The following PRKCE variants were observed in gnomAD, a reference collection of about 807,000 sequenced individuals.
The protein encoded by PRKCE is protein kinase C epsilon type.
Under a neutral mutation model 85.4 loss-of-function variants are expected in PRKCE, and 16 were observed. The ratio of observed to expected loss-of-function variants is 0.19; its 90% CI spans 0.13 to 0.28. PRKCE has a LOEUF of 0.28. Among genes scored for constraint, PRKCE ranks in the 10% least tolerant of loss-of-function variants. The pLI is 1.00. For synonymous variants in PRKCE, 388 were observed against 371.5 expected (o/e 1.04, Z -0.51); for missense variants, 573 against 975.2 (o/e 0.59, Z 5.49).
chr2:45,761,063 C>G (rs774167012), intron 1 of PRKCE, among the ~76,000 whole-genome samples: 8 of 152,230 alleles, frequency 5.3e-5, no homozygotes, highest in African/African-American at 1.9e-4. Flanking sequence ...CATGGTGGCT[C>G]ACGCCTGTAA....
intron 1 of PRKCE, among the ~76,000 whole-genome samples, chr2:45,818,111 A>G (rs1689232610): frequency 6.6e-6 from 1 of 152,236 alleles, no homozygotes; most frequent in South Asian, 2.1e-4. Flanking sequence ...GGGGAATTTC[A>G]TAATCATTTT....
intron 11 of PRKCE, among the ~76,000 whole-genome samples, chr2:46,109,128 G>A (rs189228457): frequency 2.4e-3 from 368 of 152,226 alleles, no homozygotes; most frequent in African/African-American, 8.4e-3. Flanking sequence ...ATTGGTTAAT[G>A]TGAGTCCCCC....
chr2:46,150,362 AG>A (rs1055558966), intron 12 of PRKCE, among the ~76,000 whole-genome samples: 3 of 152,178 alleles, frequency 2.0e-5, no homozygotes, highest in African/African-American at 7.2e-5. Context: ...CCCCAAAGGA[AG>A]GGGGCCTACG....
At position 45,895,651 on chromosome 2, in the gene PRKCE, G is replaced by A. The variant is rs1696079828; in HGVS notation, c.412+52588G>A. Among the ~76,000 whole-genome samples the A allele has an allele frequency of 6.6e-6, 1 of 152,236 alleles. No homozygotes were observed. The highest frequency in any genetic ancestry group is 2.4e-5 in the African/African-American group (1 of 41,458). The stretch of plus-strand genomic sequence containing the variant: ...AGTCACTCTAATGGCATGCAGGGTA[G>A]ATGATGTCAGCTTTTCCATCTCAGC... On this transcript the variant is annotated intron_variant, in intron 2 of 14. Coordinates refer to ENST00000306156, the MANE Select transcript of PRKCE (RefSeq NM_005400.3). The surrounding 1 kb of genome is among the most constrained non-coding windows in gnomAD (Gnocchi z 4.8).
At chr2:46,118,947 C>T (rs1301613859) in intron 11 of PRKCE, among the ~76,000 whole-genome samples, 1 of 152,178 alleles carries the variant, frequency 6.6e-6, no homozygotes, top group Non-Finnish European at 1.5e-5. Flanking sequence ...AAAGTTCCAT[C>T]TTAGGATGCT....
At chr2:45,751,576 G>C (rs1043492096) in intron 1 of PRKCE, among the ~76,000 whole-genome samples, 1 of 152,054 alleles carries the variant, frequency 6.6e-6, no homozygotes, top group African/African-American at 2.4e-5. Flanking sequence ...GTCTCTGAAG[G>C]AGGGCCTGTG....
chr2:45,850,707 G>T (rs931503983), intron 2 of PRKCE, among the ~76,000 whole-genome samples: 3 of 152,160 alleles, frequency 2.0e-5, no homozygotes, highest in Non-Finnish European at 4.4e-5. Context: ...TCGAGCTGTT[G>T]ACACTGGGGC....
intron 1 of PRKCE, among the ~76,000 whole-genome samples, chr2:45,730,780 C>T (rs1681506211): frequency 6.6e-6 from 1 of 152,120 alleles, no homozygotes; most frequent in Non-Finnish European, 1.5e-5. Flanking sequence ...TTTTAATTTT[C>T]AAGAGCTACC....
At chr2:46,015,147 G>A (rs545245722) in intron 10 of PRKCE, among the ~76,000 whole-genome samples, 1 of 152,196 alleles carries the variant, frequency 6.6e-6, no homozygotes, top group South Asian at 2.1e-4. Flanking sequence ...GTGACTTTTG[G>A]AATTGCCTCT....
chr2:46,158,745 A>G (rs903822490), intron 13 of PRKCE, among the ~76,000 whole-genome samples: 3 of 152,232 alleles, frequency 2.0e-5, no homozygotes, highest in Non-Finnish European at 4.4e-5. Flanking sequence ...TGCACATACA[A>G]TACATACATG....
intron 11 of PRKCE, among the ~76,000 whole-genome samples, chr2:46,119,794 C>T (rs997219770): frequency 6.6e-6 from 1 of 152,224 alleles, no homozygotes; most frequent in Non-Finnish European, 1.5e-5. Context: ...ACACTCCACC[C>T]AGTGTGTTAG....
At chr2:46,013,436 C>T (rs924822847) in intron 10 of PRKCE, among the ~76,000 whole-genome samples, 13 of 152,120 alleles carry the variant, frequency 8.5e-5, no homozygotes, top group African/African-American at 2.4e-4. Context: ...CAAGAAGACT[C>T]AGGGGAGGGG....
At chr2:45,940,982 C>A (rs1374021812) in intron 2 of PRKCE, among the ~76,000 whole-genome samples, 1 of 145,342 alleles carries the variant, frequency 6.9e-6, no homozygotes, top group African/African-American at 2.5e-5. Flanking sequence ...AGGAGACTCG[C>A]TTGAGCCTGG....
intron 11 of PRKCE, among the ~76,000 whole-genome samples, chr2:46,119,308 T>A (rs1673087418): frequency 6.6e-6 from 1 of 151,966 alleles, no homozygotes; most frequent in African/African-American, 2.4e-5. Flanking sequence ...ATTAGGGTGT[T>A]TTTTTTTCCC....
At chr2:46,174,605 A>C (rs1558529500) in intron 14 of PRKCE, among the ~76,000 whole-genome samples, 1 of 152,104 alleles carries the variant, frequency 6.6e-6, no homozygotes, top group Non-Finnish European at 1.5e-5. Flanking sequence ...CGGTGCGCCC[A>C]GGCTCCCCCA....
At chr2:45,679,111 G>A (rs1441683805) in intron 1 of PRKCE, among the ~76,000 whole-genome samples, 1 of 152,086 alleles carries the variant, frequency 6.6e-6, no homozygotes, top group Non-Finnish European at 1.5e-5. Flanking sequence ...CCTTCTTTTG[G>A]ATCCGAAGCC....
chr2:45,670,562 A>T (rs1304787693), intron 1 of PRKCE, among the ~76,000 whole-genome samples: 1 of 152,196 alleles, frequency 6.6e-6, no homozygotes. Flanking sequence ...GTCCCAGTTT[A>T]AAAAAACATT....
intron 6 of PRKCE, among the ~76,000 whole-genome samples, chr2:45,989,831 T>C (rs2104637147): frequency 6.6e-6 from 1 of 152,326 alleles, no homozygotes; most frequent in African/African-American, 2.4e-5. Flanking sequence ...ATTCTCACTG[T>C]TCTTACTGTC....
intron 2 of PRKCE, among the ~76,000 whole-genome samples, chr2:45,908,607 G>C (rs1697157283): frequency 6.6e-6 from 1 of 152,136 alleles, no homozygotes; most frequent in African/African-American, 2.4e-5. Flanking sequence ...AGGGGCAAGG[G>C]TCCTGAGGAT....
Sources: gnomAD v4.1 joint callset for allele counts (sites outside exome capture counted in the v4.1 genomes callset) on GRCh38, gnomAD v4.1.1 for gene constraint, Gnocchi (gnomAD v3.1) non-coding constraint, MANE v1.5 for transcripts, NCBI Gene and HGNC (gene_info 2026-07-23, HGNC 2026-07-21) for gene names.